Variants in PXDN observed in about 807,000 individuals in gnomAD.
PXDN encodes peroxidasin homolog.
A neutral mutation model predicts 140.3 loss-of-function variants in PXDN; 77 were observed. The observed-to-expected ratio is 0.55, with a 90% CI of 0.46 to 0.66. PXDN has a LOEUF of 0.66. Among genes scored for constraint, PXDN ranks in the 30% least tolerant of loss-of-function variants. The probability of loss-of-function intolerance (pLI) is 0.00; values close to 1 mark genes in which losing one functional copy is unlikely to be tolerated. For missense variants in PXDN, 1,838 were observed against 2,039.5 expected, an observed-to-expected ratio of 0.90 and a Z score of 1.90; for synonymous variants, 911 against 857.4, an observed-to-expected ratio of 1.06 and a Z score of -1.09.
At chr2:1,682,237 A>G (rs1683924076) in intron 6 of PXDN, among the ~76,000 whole-genome samples, 1 of 152,076 alleles carries the variant, frequency 6.6e-6, no homozygotes, top group African/African-American at 2.4e-5. Flanking sequence ...TAGAGCATTT[A>G]TCTGGTGATT....
In PXDN at chr2:1,685,964, T is replaced by G. The variant is rs955360699; in HGVS notation, c.416+1668A>C. On this transcript the variant is annotated intron_variant, in intron 4 of 22. Transcript: ENST00000252804. This position sits in a 1 kb window ranked among gnomAD's most constrained non-coding sequence, Gnocchi z 5.1. ...GTGTCCACAGCTTCCCAAAGAGCCT[T>G]CTTTCTGGATCAGGGACACTCAGAT... Among the ~76,000 whole-genome samples the G allele has an allele frequency of 6.6e-6, 1 of 152,180 alleles. No homozygotes were observed. The highest frequency in any genetic ancestry group is 2.4e-5 in the African/African-American group (1 of 41,450).
At chr2:1,735,359 T>C (rs903500272) in intron 1 of PXDN, among the ~76,000 whole-genome samples, 2 of 152,180 alleles carry the variant, frequency 1.3e-5, no homozygotes, top group African/African-American at 4.8e-5. Flanking sequence ...ATCAGAGAAA[T>C]CGCTATCTAT....
intron 11 of PXDN, chr2:1,664,336 G>A (rs1178063338): frequency 1.3e-5 from 2 of 157,274 alleles, no homozygotes; most frequent in South Asian, 3.9e-4. Context: ...TGCATCCCAG[G>A]ACAGGAACCA....
At chr2:1,731,088 G>A (rs1168096468) in intron 1 of PXDN, among the ~76,000 whole-genome samples, 6 of 152,014 alleles carry the variant, frequency 3.9e-5, no homozygotes, top group Non-Finnish European at 7.4e-5. Context: ...AGACCTCTCT[G>A]AAAAGTGATA....
chr2:1,676,103 A>C (rs1683701076), intron 8 of PXDN, among the ~76,000 whole-genome samples: 2 of 151,958 alleles, frequency 1.3e-5, no homozygotes, highest in South Asian at 2.1e-4. Flanking sequence ...CGGCAATCTG[A>C]CCTCATTCCC....
chr2:1,742,271 A>G (rs937391306), intron 1 of PXDN, among the ~76,000 whole-genome samples: 1 of 152,246 alleles, frequency 6.6e-6, no homozygotes, highest in African/African-American at 2.4e-5. Flanking sequence ...GGATTCGATC[A>G]ACTTAACAGC....
In PXDN at chr2:1,648,406, G is replaced by C. The variant is rs778618743; in HGVS notation, c.3374C>G (p.Ala1125Gly). ...CTGCGAGGGCACACGCATTTTCCCC[G>C]CCACCCCGAACAGCCCCCTGAGAAG... ...DPLLRGLFGVAGKMRVPSQLL... is the reference protein window; with the variant it reads ...DPLLRGLFGVGGKMRVPSQLL... The change falls in exon 17 of 23, where the codon GCG (alanine) becomes GGG (glycine). Residue 1125 changes from alanine (A) to glycine (G), a missense_variant. Physicochemically the swap from Ala to Gly is moderately conservative, Grantham distance 60. Around this residue, in one of 5 missense-constraint regions of PXDN, gnomAD observed 850 missense variants for 894.1 expected, o/e 0.95. Coordinates refer to ENST00000252804, the MANE Select transcript of PXDN (RefSeq NM_012293.3). The surrounding 1 kb of genome is among the most constrained non-coding windows in gnomAD (Gnocchi z 8.9). 2 of 1,611,672 alleles carry C rather than the reference G, an allele frequency of 1.2e-6. No individual in the cohort carries two copies. The highest frequency in any genetic ancestry group is 1.7e-6 in the Non-Finnish European group (2 of 1,179,866).
Position 1,648,512 on chromosome 2 carries a change from G to A in PXDN, c.3268C>T (p.Pro1090Ser). The A allele has an allele frequency of 6.2e-7, 1 of 1,612,858 alleles. No homozygotes were observed. Among genetic ancestry groups the A allele is most frequent in the Non-Finnish European group, 8.5e-7 (1 of 1,179,858 alleles). The stretch of plus-strand genomic sequence containing the variant: ...AGGGGGAGGTGATCTTGTGCAATGG[G>A]CTGGAAGTTCTCGTCCAGCCGGTAA... ...LLYRLDENFQ[P>S]IAQDHLPLHK... Residue 1090 changes from proline (P) to serine (S), a missense_variant, in exon 17 of 23, where the codon CCC becomes TCC. By Grantham distance (74) the Pro-to-Ser change is moderately conservative (BLOSUM62 -1). Transcript: ENST00000252804. This position sits in a 1 kb window ranked among gnomAD's most constrained non-coding sequence, Gnocchi z 8.9.
At chr2:1,710,240 C>T (rs1219811068) in intron 1 of PXDN, among the ~76,000 whole-genome samples, 3 of 152,184 alleles carry the variant, frequency 2.0e-5, no homozygotes, top group African/African-American at 7.2e-5. Flanking sequence ...GTCTGCTGCT[C>T]ACTTGGTAGG....
Position 1,685,351 on chromosome 2 carries a change from G to A in PXDN, c.417-1200C>T, listed in dbSNP as rs376223539. Among the ~76,000 whole-genome samples, 40 of 152,344 alleles carry A rather than the reference G, an allele frequency of 2.6e-4. No homozygotes were observed. The East Asian group carries it at 5.4e-3, about 21-fold the overall frequency. ...ACCGCCGTGGGCGAGCATGACGGGC[G>A]GGCACCTGACGCGCGGGTCCCGAGG... On this transcript the variant is annotated intron_variant, in intron 4 of 22. Transcript: ENST00000252804. The surrounding 1 kb of genome is among the most constrained non-coding windows in gnomAD (Gnocchi z 5.1).
chr2:1,684,006 C>G (rs1683985018), intron 5 of PXDN, 74 bp downstream of exon 5: 1 of 1,378,324 alleles, frequency 7.3e-7, no homozygotes, highest in South Asian at 1.3e-5. Flanking sequence ...TAGATATTGA[C>G]CTTAATCTAA....
At chr2:1,691,545 G>A (rs1257300578) in intron 3 of PXDN, among the ~76,000 whole-genome samples, 3 of 152,168 alleles carry the variant, frequency 2.0e-5, no homozygotes, top group East Asian at 1.9e-4. Flanking sequence ...CTGGCAAGGC[G>A]ACCGGAAACT....
intron 19 of PXDN, among the ~76,000 whole-genome samples, chr2:1,640,225 T>C (rs1682692172): frequency 6.6e-6 from 1 of 152,224 alleles, no homozygotes; most frequent in Non-Finnish European, 1.5e-5. Context: ...GTGGACACAC[T>C]ATCTAACGAA....
At chr2:1,726,496 G>A (rs2125485791) in intron 1 of PXDN, among the ~76,000 whole-genome samples, 1 of 151,520 alleles carries the variant, frequency 6.6e-6, no homozygotes, top group South Asian at 2.1e-4. Context: ...GAGTTAATGG[G>A]TGCAGCACAC....
chr2:1,648,834 C>T lies in PXDN; in HGVS notation c.2946G>A (p.Leu982=), dbSNP rs761414067. ...LAGDHRANEQ[L]GLTSMHTLWF... ...ACAGCGTGTGCATGCTGGTCAGGCC[C>T]AGCTGCTCGTTGGCGCGGTGGTCCC... The change falls in exon 17 of 23, where the codon CTG becomes CTA. Residue 982 remains leucine, a synonymous_variant. Transcript: ENST00000252804. The surrounding 1 kb of genome is among the most constrained non-coding windows in gnomAD (Gnocchi z 8.9). 2 of 1,601,636 alleles carry T rather than the reference C, an allele frequency of 1.2e-6. No homozygotes were observed. The highest frequency in any genetic ancestry group is 8.5e-7 in the Non-Finnish European group (1 of 1,176,248).
At chr2:1,656,822 G>A (rs1369471478) in intron 14 of PXDN, among the ~76,000 whole-genome samples, 1 of 142,180 alleles carries the variant, frequency 7.0e-6, no homozygotes, top group African/African-American at 2.7e-5. Flanking sequence ...CCTTTGGACA[G>A]GGACCGAAAC....
intron 21 of PXDN, chr2:1,635,829 C>T (rs554977031): frequency 5.1e-6 from 2 of 393,188 alleles, no homozygotes; most frequent in African/African-American, 4.1e-5. Context: ...TGCACCTACA[C>T]TTCCACCAGA....
At chr2:1,658,061 T>TCCCTCCCC (rs1683200123) in intron 14 of PXDN, among the ~76,000 whole-genome samples, 1 of 89,836 alleles carries the variant, frequency 1.1e-5, no homozygotes, top group African/African-American at 4.5e-5. Flanking sequence ...TCTCTCTCTC[T>TCCCTCCCC]CTCTCTCTCT....
At chr2:1,684,434 G>A (rs1011325823) in intron 4 of PXDN, among the ~76,000 whole-genome samples, 1 of 152,206 alleles carries the variant, frequency 6.6e-6, no homozygotes, top group Non-Finnish European at 1.5e-5. Flanking sequence ...GGCAGTGCTG[G>A]CCTGGCCTGA....
Sources: allele counts gnomAD v4.1 joint callset (sites outside exome capture counted in the v4.1 genomes callset), GRCh38; gene constraint gnomAD v4.1.1; regional missense constraint gnomAD v4.1.1; non-coding constraint Gnocchi (gnomAD v3.1); transcripts MANE v1.5; gene names NCBI Gene and HGNC (gene_info 2026-07-23, HGNC 2026-07-21).